Variants in C1orf21 observed in about 807,000 individuals in gnomAD.
C1orf21 encodes uncharacterized protein C1orf21.
In C1orf21, 3 loss-of-function variants were observed where a neutral mutation model predicts 18.7. The ratio of observed to expected loss-of-function variants is 0.16; its 90% CI spans 0.07 to 0.42. The LOEUF (loss-of-function observed/expected upper bound fraction) is 0.42, where lower values mean the gene tolerates loss of function less well. C1orf21 is among the 10% of genes least tolerant of loss of function. The probability of loss-of-function intolerance (pLI) is 0.99; values close to 1 mark genes in which losing one functional copy is unlikely to be tolerated. For missense variants in C1orf21, 104 were observed against 143.6 expected (o/e 0.72, Z 1.41); for synonymous variants, 41 against 46.4 (o/e 0.88, Z 0.47).
At chr1:184,470,198 A>G (rs989372265) in intron 1 of C1orf21, among the ~76,000 whole-genome samples, 3 of 152,110 alleles carry the variant, frequency 2.0e-5, no homozygotes, top group African/African-American at 2.4e-5. Flanking sequence ...GTTGCCTGCT[A>G]TGAGGGCCCT....
intron 5 of C1orf21, among the ~76,000 whole-genome samples, chr1:184,618,646 C>T (rs528525532): frequency 3.4e-5 from 5 of 147,856 alleles, no homozygotes; most frequent in Admixed American, 2.1e-4. Context: ...TCCCCCCCCC[C>T]AAGAAAAATG....
intron 2 of C1orf21, among the ~76,000 whole-genome samples, chr1:184,482,630 A>T (rs906919105): frequency 4.6e-5 from 7 of 152,204 alleles, no homozygotes; most frequent in African/African-American, 1.7e-4. Context: ...CTAAACATTT[A>T]AAATGTTTTA....
chr1:184,565,928 A>AT (rs1402233649), intron 3 of C1orf21, among the ~76,000 whole-genome samples: 1 of 152,148 alleles, frequency 6.6e-6, no homozygotes, highest in Non-Finnish European at 1.5e-5. Flanking sequence ...TTTAATGTTG[A>AT]TTTTTGAGTA....
rs1337499639 is a variant in C1orf21, at chr1:184,516,839, G to A, written c.189+9157G>A. ...CAGAGCCAAACCATATTAACATCCA[G>A]CTGCAGAAATGAAGACTTGGAAATT... On this transcript the variant is annotated intron_variant, in intron 3 of 5. Transcript: ENST00000235307. 3.3e-5 allele frequency among the ~76,000 whole-genome samples: 5 copies of A among 152,202 alleles called. No homozygotes were observed. In the East Asian group the frequency reaches 9.6e-4, roughly 29 times the overall value.
At chr1:184,437,391 C>T (rs1259609725) in intron 1 of C1orf21, among the ~76,000 whole-genome samples, 2 of 152,152 alleles carry the variant, frequency 1.3e-5, no homozygotes, top group Non-Finnish European at 2.9e-5. Context: ...AGAAGTTCCA[C>T]CCAGACCTTC....
intron 3 of C1orf21, among the ~76,000 whole-genome samples, chr1:184,586,484 C>A (rs1181372393): frequency 6.6e-6 from 1 of 151,850 alleles, no homozygotes. Context: ...GGGGTTTCAC[C>A]GTGTTAGCCA....
chr1:184,559,971 C>T lies in C1orf21; in HGVS notation c.190-30768C>T, dbSNP rs181834683. 4.9e-4 allele frequency among the ~76,000 whole-genome samples: 75 copies of T among 152,102 alleles called. No individual in the cohort carries two copies. The Middle Eastern group carries it at 0.01, about 21-fold the overall frequency. ...CTCACTATGTTCCTCAGGCTGGTCT[C>T]GGACTCCTGAGCTCAAGCAGTCATC... On this transcript the variant is annotated intron_variant, in intron 3 of 5. Coordinates refer to ENST00000235307, the MANE Select transcript of C1orf21 (RefSeq NM_030806.4).
At chr1:184,534,965 G>T (rs955017572) in intron 3 of C1orf21, among the ~76,000 whole-genome samples, 2 of 152,190 alleles carry the variant, frequency 1.3e-5, no homozygotes, top group Non-Finnish European at 2.9e-5. Context: ...AAGAGGAGCA[G>T]TGAGGGGCTG....
Position 184,448,179 on chromosome 1 carries a change from G to A in C1orf21, c.-124-29207G>A, listed in dbSNP as rs148559021. On this transcript the variant is annotated intron_variant, in intron 1 of 5. Coordinates refer to ENST00000235307, the MANE Select transcript of C1orf21 (RefSeq NM_030806.4). ...GCTCACTGTAGCCTCTGCCTCCTAGGTTCAAGCAGTTCTCCTACCTCAGCC... is the reference window on the plus strand; with the variant it reads ...GCTCACTGTAGCCTCTGCCTCCTAGATTCAAGCAGTTCTCCTACCTCAGCC... 2.8e-3 allele frequency among the ~76,000 whole-genome samples: 422 copies of A among 152,278 alleles called. 3 individuals are homozygous for A. The highest frequency in any genetic ancestry group is 0.02 in the Middle Eastern group (6 of 294).
At chr1:184,600,028 C>G (rs1659566597) in intron 5 of C1orf21, among the ~76,000 whole-genome samples, 1 of 152,158 alleles carries the variant, frequency 6.6e-6, no homozygotes, top group South Asian at 2.1e-4. Context: ...TTGGACTTCC[C>G]CCCACTAGCT....
intron 1 of C1orf21, among the ~76,000 whole-genome samples, chr1:184,466,364 G>T (rs1349680714): frequency 6.6e-6 from 1 of 152,182 alleles, no homozygotes; most frequent in Non-Finnish European, 1.5e-5. Flanking sequence ...GTAGAATACT[G>T]GTACATGAGA....
intron 3 of C1orf21, among the ~76,000 whole-genome samples, chr1:184,552,448 A>G (rs951015481): frequency 2.0e-5 from 3 of 152,230 alleles, no homozygotes; most frequent in African/African-American, 7.2e-5. Flanking sequence ...GGAGTCAGGC[A>G]CTCATATTCA....
intron 1 of C1orf21, among the ~76,000 whole-genome samples, chr1:184,402,689 A>G (rs181867543): frequency 7.6e-4 from 115 of 151,090 alleles, no homozygotes; most frequent in Non-Finnish European, 1.1e-3. Flanking sequence ...TCATTTCTAT[A>G]CATAGTTGGC....
intron 1 of C1orf21, among the ~76,000 whole-genome samples, chr1:184,426,224 G>A (rs943302351): frequency 6.6e-5 from 10 of 152,220 alleles, no homozygotes; most frequent in Admixed American, 1.3e-4. Context: ...CAATTCGTCT[G>A]TCCAGGATTA....
chr1:184,485,615 G>T (rs375242275), intron 2 of C1orf21, among the ~76,000 whole-genome samples: 27 of 152,140 alleles, frequency 1.8e-4, no homozygotes, highest in Non-Finnish European at 3.2e-4. Context: ...TGAGCACTAG[G>T]TGTGTACACT....
intron 1 of C1orf21, among the ~76,000 whole-genome samples, chr1:184,453,226 G>A (rs1433187776): frequency 1.3e-5 from 2 of 152,156 alleles, no homozygotes; most frequent in Admixed American, 6.5e-5. Flanking sequence ...GATTCTCTGA[G>A]TGGAAGGGAG....
chr1:184,511,791 T>G (rs1658150161), intron 3 of C1orf21, among the ~76,000 whole-genome samples: 1 of 151,602 alleles, frequency 6.6e-6, no homozygotes, highest in Non-Finnish European at 1.5e-5. Flanking sequence ...AACCCGTTCT[T>G]GTTCACATGG....
intron 3 of C1orf21, among the ~76,000 whole-genome samples, chr1:184,544,431 T>C (rs1195078627): frequency 6.6e-6 from 1 of 152,190 alleles, no homozygotes; most frequent in Non-Finnish European, 1.5e-5. Flanking sequence ...AGCAATCAGA[T>C]GCCATTTTTC....
intron 1 of C1orf21, among the ~76,000 whole-genome samples, chr1:184,427,707 T>A (rs1367540519): frequency 6.6e-6 from 1 of 152,212 alleles, no homozygotes; most frequent in Non-Finnish European, 1.5e-5. Flanking sequence ...CTCCAAAATA[T>A]AGGTTGAAGT....
Sources: gnomAD v4.1 joint callset for allele counts (sites outside exome capture counted in the v4.1 genomes callset) on GRCh38, gnomAD v4.1.1 for gene constraint, MANE v1.5 for transcripts, NCBI Gene and HGNC (gene_info 2026-07-23, HGNC 2026-07-21) for gene names.